The following NIPA1 variants were observed in gnomAD, a reference collection of about 807,000 sequenced individuals.
The protein encoded by NIPA1 is magnesium transporter NIPA1.
NIPA1 carries 13 observed loss-of-function variants against 23.9 expected under a neutral mutation model. The observed-to-expected ratio is 0.54, with a 90% CI of 0.35 to 0.87. The LOEUF is 0.87. NIPA1 is among the 40% of genes least tolerant of loss of function. NIPA1 has a pLI of 0.01. For missense variants in NIPA1, 362 were observed against 429.7 expected, an observed-to-expected ratio of 0.84 and a Z score of 1.39; for synonymous variants, 234 against 202.9, an observed-to-expected ratio of 1.15 and a Z score of -1.30.
At position 22,824,544 on chromosome 15, in the gene NIPA1, T is replaced by C. The variant is rs1396354859; in HGVS notation, c.*305T>C. ...TCTCTTCTTTTAAAACATTTTAACATTATTTAAACAGAAAAAGATGGGCTC... is the reference window on the plus strand; with the variant it reads ...TCTCTTCTTTTAAAACATTTTAACACTATTTAAACAGAAAAAGATGGGCTC... On this transcript the variant is annotated 3_prime_UTR_variant, in exon 5 of 5. Transcript: ENST00000337435. This position sits in a 1 kb window ranked among gnomAD's most constrained non-coding sequence, Gnocchi z 4.1. 1 of 369,522 alleles carries C rather than the reference T, an allele frequency of 2.7e-6. No homozygotes were observed. The highest frequency in any genetic ancestry group is 5.0e-6 in the Non-Finnish European group (1 of 198,076). The allele number at this position is 369,522 out of a possible 1,614,324, so 22.9% of individuals were successfully genotyped here.
intron 1 of NIPA1, among the ~76,000 whole-genome samples, chr15:22,802,788 T>G (rs1415875877): frequency 1.3e-5 from 2 of 152,026 alleles, no homozygotes; most frequent in African/African-American, 4.8e-5. Flanking sequence ...ATGCTTCATA[T>G]AAATGGAATT....
intron 1 of NIPA1, among the ~76,000 whole-genome samples, chr15:22,799,972 G>A (rs7162048): frequency 0.012 from 1,368 of 117,594 alleles, 34 homozygotes; most frequent in Middle Eastern, 0.042. Flanking sequence ...AAAAAAAAAA[G>A]GGAAAGAAAA....
intron 1 of NIPA1, among the ~76,000 whole-genome samples, chr15:22,807,275 C>A (rs7177893): frequency 0.07 from 10,694 of 152,186 alleles, 826 homozygotes; most frequent in African/African-American, 0.19. Flanking sequence ...TTGGGATAAC[C>A]ATAGCAGTGA....
intron 1 of NIPA1, among the ~76,000 whole-genome samples, chr15:22,808,053 T>A (rs146039728): frequency 5.3e-5 from 8 of 152,230 alleles, no homozygotes; most frequent in Non-Finnish European, 1.0e-4. Flanking sequence ...CCTCGCAAAG[T>A]GCTGGGATTA....
chr15:22,808,591 C>T (rs141780016), intron 1 of NIPA1, among the ~76,000 whole-genome samples: 216 of 152,066 alleles, frequency 1.4e-3, no homozygotes, highest in African/African-American at 4.5e-3. Flanking sequence ...GGAGGTGACT[C>T]AGTAAATTTT....
At chr15:22,793,966 T>C (rs1158227574) in intron 1 of NIPA1, among the ~76,000 whole-genome samples, 3 of 152,200 alleles carry the variant, frequency 2.0e-5, no homozygotes, top group Non-Finnish European at 4.4e-5. Flanking sequence ...TTGGTTACTC[T>C]AGGCTTATAA....
chr15:22,790,858 G>A lies in NIPA1; in HGVS notation c.178+4024G>A, dbSNP rs182947411. On this transcript the variant is annotated intron_variant, in intron 1 of 4. Coordinates refer to ENST00000337435, the MANE Select transcript of NIPA1 (RefSeq NM_144599.5). ...ATGAAATGACAGAAATAGAGGATGA[G>A]GGAGGAGAGGGGAGATACGCAAGCA... Among the ~76,000 whole-genome samples, 22 of 152,288 alleles carry A rather than the reference G, an allele frequency of 1.4e-4. 1 individual carries two copies. The highest frequency in any genetic ancestry group is 5.3e-4 in the African/African-American group (22 of 41,558).
At chr15:22,800,204 G>A (rs997850357) in intron 1 of NIPA1, among the ~76,000 whole-genome samples, 5 of 151,910 alleles carry the variant, frequency 3.3e-5, no homozygotes, top group African/African-American at 9.7e-5. Context: ...CAGCAATTTC[G>A]CTTTATCTAT....
chr15:22,810,864 C>A, intron 2 of NIPA1, 68 bp downstream of exon 2: 3 of 1,208,354 alleles, frequency 2.5e-6, no homozygotes, highest in Non-Finnish European at 3.7e-6. Flanking sequence ...CTGGGCAGGG[C>A]TGGAGTGGCT....
At chr15:22,820,980 C>CTT (rs34707760) in intron 4 of NIPA1, among the ~76,000 whole-genome samples, 48,459 of 140,234 alleles carry the variant, frequency 0.35, 9,720 homozygotes, top group East Asian at 0.56. Flanking sequence ...CTTTTCTTTT[C>CTT]TTTTTTTTTT....
chr15:22,820,656 C>T (rs886479782), intron 4 of NIPA1, among the ~76,000 whole-genome samples, 183 bp downstream of exon 4: 9 of 152,174 alleles, frequency 5.9e-5, no homozygotes, highest in African/African-American at 2.2e-4. Flanking sequence ...CAGGCTAGCC[C>T]TCTGCCCTCA....
In NIPA1 at chr15:22,825,367, T is replaced by TGTA. The variant is rs1228816303; in HGVS notation, c.*1129_*1131dup. On this transcript the variant is annotated 3_prime_UTR_variant, in exon 5 of 5. Transcript: ENST00000337435. ...GAAACATGGTTACGTGGTTCATGAC[T>TGTA]GTATATTCACTGGAAGATAGTCAAG... 1 of 152,234 alleles carries TGTA rather than the reference T, an allele frequency of 6.6e-6. No homozygotes were observed. Among genetic ancestry groups the TGTA allele is most frequent in the Non-Finnish European group, 1.5e-5 (1 of 68,044 alleles). The allele number at this position is 152,234 out of a possible 1,614,324, so 9.4% of individuals were successfully genotyped here. A position where few individuals can be genotyped will look rare whatever the true frequency, so the allele number is the denominator to read the frequency against.
chr15:22,814,680 T>C (rs1423409549), intron 3 of NIPA1, among the ~76,000 whole-genome samples: 1 of 152,216 alleles, frequency 6.6e-6, no homozygotes, highest in East Asian at 1.9e-4. Flanking sequence ...AATAGTGTAA[T>C]GTATGATAAA....
Position 22,820,355 on chromosome 15 carries a change from C to G in NIPA1, c.360C>G (p.Ile120Met), listed in dbSNP as rs900557227. 17 of 1,612,514 alleles carry G rather than the reference C, an allele frequency of 1.1e-5. No homozygotes were observed. The highest frequency in any genetic ancestry group is 1.4e-5 in the Non-Finnish European group (17 of 1,178,590). ...ASYLLKEKLN[I>M]LGKLGCLLSC... is the part of the protein sequence containing the mutation. ...ATCTCCTGAAGGAAAAGCTCAACAT[C>G]TTGGGCAAGTTGGGGTGCCTGCTAA... The change falls in exon 4 of 5, where the codon ATC becomes ATG. Residue 120 changes from isoleucine to methionine, a missense_variant. Coordinates refer to ENST00000337435, the MANE Select transcript of NIPA1 (RefSeq NM_144599.5).
rs375333795 is a variant in NIPA1, at chr15:22,824,017, C to T, written c.768C>T (p.Asp256=). 45 of 1,614,058 alleles carry T rather than the reference C, an allele frequency of 2.8e-5. No individual in the cohort carries two copies. The highest frequency in any genetic ancestry group is 3.4e-5 in the Non-Finnish European group (40 of 1,180,018). ...RYINKALECF[D]SSVFGAIYYV... is the part of the protein sequence containing the mutation. ...TCAACAAGGCGCTGGAGTGCTTCGA[C>T]TCCTCGGTGTTCGGGGCCATCTACT... Residue 256 remains aspartate, a synonymous_variant, in exon 5 of 5, where the codon GAC becomes GAT. Coordinates refer to ENST00000337435, the MANE Select transcript of NIPA1 (RefSeq NM_144599.5). This position sits in a 1 kb window ranked among gnomAD's most constrained non-coding sequence, Gnocchi z 4.1.
Position 22,823,748 on chromosome 15 carries a change from A to G in NIPA1, c.499A>G (p.Ile167Val). The stretch of plus-strand genomic sequence containing the variant: ...TCCAGTGTTTGTGGGCTACCTGTGC[A>G]TCGTGCTGCTCATGCTGCTGCTGCT... The part of the protein sequence containing the change: ...TNPVFVGYLC[I>V]VLLMLLLLIF... The change falls in exon 5 of 5, where the codon ATC becomes GTC. Residue 167 changes from isoleucine to valine, a missense_variant. This residue lies in a region of NIPA1 where 277 missense variants were observed against 372.0 expected (regional missense o/e 0.74). Transcript: ENST00000337435. The G allele has an allele frequency of 1.9e-6, 3 of 1,610,360 alleles. No homozygotes were observed. Among genetic ancestry groups the G allele is most frequent in the Non-Finnish European group, 2.5e-6 (3 of 1,179,338 alleles).
rs547827096 is a variant in NIPA1 at position 22,792,381 on chromosome 15, C to A, written c.178+5547C>A. ...AGGCTTTTTTCTTTTTTTTTTGAGA[C>A]GGAGTCTCGCTCTGTTGCCCAGGCT... On this transcript the variant is annotated intron_variant, in intron 1 of 4. Transcript: ENST00000337435. Among the ~76,000 whole-genome samples the A allele has an allele frequency of 5.0e-4, 76 of 150,860 alleles. 1 individual carries two copies. The highest frequency in any genetic ancestry group is 1.0e-3 in the South Asian group (5 of 4,766).
chr15:22,820,272 G>A (rs1420137575), intron 3 of NIPA1, 41 bp from the exon 4 acceptor site: 10 of 1,383,604 alleles, frequency 7.2e-6, no homozygotes, highest in Non-Finnish European at 9.3e-6. Context: ...AGGTCAGGTA[G>A]TTTGGTTTAA....
intron 4 of NIPA1, among the ~76,000 whole-genome samples, chr15:22,821,542 CGGT>C (rs1403498388): frequency 6.6e-6 from 1 of 151,522 alleles, no homozygotes; most frequent in Non-Finnish European, 1.5e-5. Flanking sequence ...TGTCCACACT[CGGT>C]GGTCTGCATG....
Sources: gnomAD v4.1 joint callset for allele counts (sites outside exome capture counted in the v4.1 genomes callset) on GRCh38, gnomAD v4.1.1 for gene constraint, gnomAD v4.1.1 regional missense constraint, Gnocchi (gnomAD v3.1) non-coding constraint, MANE v1.5 for transcripts, NCBI Gene and HGNC (gene_info 2026-07-23, HGNC 2026-07-21) for gene names.